TRAPPC9: variants seen among roughly 807,000 people sequenced by gnomAD.
TRAPPC9 encodes the protein trafficking protein particle complex subunit 9.
In TRAPPC9, 83 loss-of-function variants were observed where a neutral mutation model predicts 124.0. The observed-to-expected ratio is 0.67, with a 90% confidence interval of 0.56 to 0.80. The LOEUF (loss-of-function observed/expected upper bound fraction) is 0.80. Among genes scored for constraint, TRAPPC9 ranks in the 30% least tolerant of loss-of-function variants. The pLI is 0.00. For missense variants in TRAPPC9, 1,302 were observed against 1,508.3 expected, an observed-to-expected ratio of 0.86 and a Z score of 2.27; for synonymous variants, 638 against 617.5, an observed-to-expected ratio of 1.03 and a Z score of -0.49.
chr8:140,195,975 G>T (rs377378240), intron 17 of TRAPPC9, among the ~76,000 whole-genome samples: 1 of 139,632 alleles, frequency 7.2e-6, no homozygotes, highest in Non-Finnish European at 1.5e-5. Context: ...ACTATCCACC[G>T]TACAGATCAC....
At chr8:139,964,224 CAAAAAAA>C (rs1008397834) in intron 19 of TRAPPC9, among the ~76,000 whole-genome samples, 1 of 67,670 alleles carries the variant, frequency 1.5e-5, no homozygotes, top group African/African-American at 5.4e-5. Flanking sequence ...GACTCTGTCT[CAAAAAAA>C]AAAAAAAAAA....
chr8:139,986,820 T>C (rs1837265729), intron 19 of TRAPPC9, among the ~76,000 whole-genome samples: 1 of 152,258 alleles, frequency 6.6e-6, no homozygotes, highest in African/African-American at 2.4e-5. Flanking sequence ...GTATACAACA[T>C]GACCATCACC....
intron 17 of TRAPPC9, among the ~76,000 whole-genome samples, chr8:140,193,545 C>T (rs1165908790): frequency 1.5e-5 from 2 of 136,370 alleles, no homozygotes; most frequent in Admixed American, 1.7e-4. Flanking sequence ...TTAAGAAGTT[C>T]AGATTTGAGC....
At chr8:140,078,809 C>T (rs1191861406) in intron 17 of TRAPPC9, among the ~76,000 whole-genome samples, 2 of 152,132 alleles carry the variant, frequency 1.3e-5, no homozygotes, top group Non-Finnish European at 2.9e-5. Context: ...TGCCCCCAGT[C>T]ACCACCAGTC....
chr8:140,191,755 A>G (rs1042506222), intron 17 of TRAPPC9, among the ~76,000 whole-genome samples: 1 of 152,212 alleles, frequency 6.6e-6, no homozygotes, highest in African/African-American at 2.4e-5. Context: ...CCTAACAGAA[A>G]GCCCAAATGC....
chr8:140,333,447 C>T (rs2066951289), intron 9 of TRAPPC9, among the ~76,000 whole-genome samples: 1 of 152,162 alleles, frequency 6.6e-6, no homozygotes, highest in Non-Finnish European at 1.5e-5. Flanking sequence ...GGCTGGAGTG[C>T]AATGGTGCGA....
At chr8:140,169,009 C>T (rs1427423626) in intron 17 of TRAPPC9, among the ~76,000 whole-genome samples, 2 of 150,768 alleles carry the variant, frequency 1.3e-5, no homozygotes, top group Non-Finnish European at 2.9e-5. Flanking sequence ...AAACTGTTTT[C>T]GAGGGGCTCG....
chr8:139,959,017 GCCTGCATTCCGAGTCACACGGGGGAGC>G (rs1835199038), intron 19 of TRAPPC9, among the ~76,000 whole-genome samples: 1 of 23,530 alleles, frequency 4.2e-5, no homozygotes, highest in Non-Finnish European at 8.9e-5. Context: ...CACGGGGGAG[GCCTGCATTCCGAGTCACACGGGGGAGC>G]CCTGCATTCC....
At chr8:140,444,685 A>ACCG (rs2071174451) in intron 2 of TRAPPC9, among the ~76,000 whole-genome samples, 2 of 150,334 alleles carry the variant, frequency 1.3e-5, no homozygotes, top group Non-Finnish European at 3.0e-5. Flanking sequence ...ACATGGTGAG[A>ACCG]CCCCCCCCAT....
chr8:140,288,701 T>G (rs552162243), intron 12 of TRAPPC9, among the ~76,000 whole-genome samples: 118 of 151,602 alleles, frequency 7.8e-4, no homozygotes, highest in African/African-American at 2.8e-3. Context: ...AGTGACAGAG[T>G]CAGAAAAAAA....
chr8:139,829,359 C>T (rs1052214281), intron 21 of TRAPPC9, among the ~76,000 whole-genome samples: 17 of 152,258 alleles, frequency 1.1e-4, no homozygotes, highest in African/African-American at 3.9e-4. Context: ...GTCAAATATT[C>T]GCCCAAGCTC....
chr8:139,790,660 G>A (rs1403706015), intron 21 of TRAPPC9, among the ~76,000 whole-genome samples: 8 of 152,178 alleles, frequency 5.3e-5, no homozygotes, highest in African/African-American at 9.7e-5. Flanking sequence ...GCCGCTGCAC[G>A]TCTGACAATG....
At chr8:140,164,784 G>A (rs111481790) in intron 17 of TRAPPC9, among the ~76,000 whole-genome samples, 4,657 of 152,120 alleles carry the variant, frequency 0.031, 227 homozygotes, top group African/African-American at 0.11. Context: ...AATCCACCCC[G>A]CCATGTCCTG....
chr8:139,886,077 G>A (rs1260703490), intron 20 of TRAPPC9, 108 bp from the exon 21 acceptor site: 1 of 1,028,758 alleles, frequency 9.7e-7, no homozygotes, highest in Non-Finnish European at 1.5e-6. Flanking sequence ...TACAGCAGAT[G>A]TCTCCCCTCT....
chr8:140,162,163 T>C (rs1357313617), intron 17 of TRAPPC9, among the ~76,000 whole-genome samples: 4 of 152,146 alleles, frequency 2.6e-5, no homozygotes, highest in Non-Finnish European at 5.9e-5. Context: ...AAACTGAGAA[T>C]GAGTGAAATA....
chr8:140,385,759 T>TC (rs1403571820), intron 7 of TRAPPC9, among the ~76,000 whole-genome samples: 1 of 152,186 alleles, frequency 6.6e-6, no homozygotes, highest in Non-Finnish European at 1.5e-5. Context: ...CTGGTACCAT[T>TC]CCTTCTGAAA....
chr8:140,396,450 C>T (rs2069099598), intron 7 of TRAPPC9, among the ~76,000 whole-genome samples: 1 of 151,980 alleles, frequency 6.6e-6, no homozygotes, highest in Non-Finnish European at 1.5e-5. Context: ...CAAGACCTTG[C>T]TTTTAAAACC....
intron 16 of TRAPPC9, among the ~76,000 whole-genome samples, chr8:140,239,446 G>A (rs1322584053): frequency 6.6e-6 from 1 of 152,214 alleles, no homozygotes; most frequent in South Asian, 2.1e-4. Context: ...CAAGAGTATT[G>A]GGGGAGGATG....
intron 19 of TRAPPC9, among the ~76,000 whole-genome samples, chr8:139,986,938 G>C (rs1837272516): frequency 6.6e-6 from 1 of 152,110 alleles, no homozygotes; most frequent in Non-Finnish European, 1.5e-5. Flanking sequence ...TTGTTCTATA[G>C]GTTGGTGTAA....
Sources: gnomAD v4.1 joint callset for allele counts (sites outside exome capture counted in the v4.1 genomes callset) on GRCh38, gnomAD v4.1.1 for gene constraint, MANE v1.5 for transcripts, NCBI Gene and HGNC (gene_info 2026-07-23, HGNC 2026-07-21) for gene names.